The following TIA1 variants were observed in gnomAD, a reference collection of about 807,000 sequenced individuals.
The protein encoded by TIA1 is TIA1 cytotoxic granule associated RNA binding protein.
TIA1 carries 23 observed loss-of-function variants against 65.9 expected under a neutral mutation model. That is an observed-to-expected ratio of 0.35 (90% confidence interval 0.25 to 0.49). The LOEUF is 0.49. Ranked by LOEUF, TIA1 falls within the 20% of genes least tolerant of loss-of-function variation. The pLI, the probability that TIA1 is intolerant of heterozygous loss-of-function variation, is 0.98. For missense variants in TIA1, 371 were observed against 477.9 expected (o/e 0.78, Z 2.09); for synonymous variants, 147 against 149.4 (o/e 0.98, Z 0.12).
chr2:70,226,633 G>A (rs1683945664), intron 6 of TIA1, among the ~76,000 whole-genome samples: 5 of 152,134 alleles, frequency 3.3e-5, no homozygotes, highest in Admixed American at 3.3e-4. Flanking sequence ...TGTGCATAGA[G>A]ATTTAGAGCC....
At chr2:70,223,493 C>T (rs1293140056) in intron 7 of TIA1, among the ~76,000 whole-genome samples, 4 of 152,022 alleles carry the variant, frequency 2.6e-5, no homozygotes, top group African/African-American at 4.8e-5. Context: ...TTGATCATGA[C>T]TCACTGCAGC....
intron 6 of TIA1, among the ~76,000 whole-genome samples, chr2:70,225,881 T>G (rs1454955319): frequency 1.3e-5 from 2 of 152,152 alleles, no homozygotes; most frequent in East Asian, 3.8e-4. Flanking sequence ...AATACCATAT[T>G]TTTTATACTA....
chr2:70,219,758 T>A (rs943808889), intron 7 of TIA1, among the ~76,000 whole-genome samples: 5 of 149,254 alleles, frequency 3.3e-5, no homozygotes, highest in Middle Eastern at 3.4e-3. Flanking sequence ...TTTTTTTTTT[T>A]AATGGAGACA....
At chr2:70,247,963 G>C (rs985772886) in intron 1 of TIA1, among the ~76,000 whole-genome samples, 1 of 151,728 alleles carries the variant, frequency 6.6e-6, no homozygotes, top group Admixed American at 6.6e-5. Context: ...GAAAATGAAA[G>C]GAAGAATTTC....
At chr2:70,224,483 T>C (rs1291055862) in intron 7 of TIA1, 71 bp downstream of exon 7, 3 of 1,592,036 alleles carry the variant, frequency 1.9e-6, no homozygotes, top group Middle Eastern at 1.7e-4. Flanking sequence ...AAAAAAAGAT[T>C]AGTAATTAAA....
rs768840712 is a variant in TIA1 at position 70,216,965 on chromosome 2, A to G, written c.504T>C (p.Gly168=). 3 of 1,613,498 alleles carry G rather than the reference A, an allele frequency of 1.9e-6. No individual in the cohort carries two copies. The highest frequency in any genetic ancestry group is 2.5e-6 in the Non-Finnish European group (3 of 1,179,702). The change falls in exon 8 of 13, where the codon GGT becomes GGC. Residue 168 remains glycine (G), a synonymous_variant. Transcript: ENST00000433529. ...TTTGTCTTCCACCAAGCCACTGGCCACCCATCTGTTGAATGGCGTTTTCAG... is the reference window on the plus strand; with the variant it reads ...TTTGTCTTCCACCAAGCCACTGGCCGCCCATCTGTTGAATGGCGTTTTCAG... ...WDAENAIQQM[G]GQWLGGRQIR...
chr2:70,229,048 G>A lies in TIA1; in HGVS notation c.310+11C>T, dbSNP rs1684974586. 6.2e-7 allele frequency: 1 copy of A among 1,601,550 alleles called. No homozygotes were observed. The highest frequency in any genetic ancestry group is 8.5e-7 in the Non-Finnish European group (1 of 1,176,608). On this transcript the variant is annotated intron_variant, in intron 5 of 12. Transcript: ENST00000433529. ...AGAGATTTCATTTTATGTTTAAGAAGATACAATTACCTTGTGAACGCTGTG... is the reference window on the plus strand; with the variant it reads ...AGAGATTTCATTTTATGTTTAAGAAAATACAATTACCTTGTGAACGCTGTG...
intron 11 of TIA1, 65 bp downstream of exon 11, chr2:70,215,306 A>G: frequency 1.9e-6 from 3 of 1,595,648 alleles, no homozygotes; most frequent in Non-Finnish European, 2.6e-6. Context: ...GATTATCAAC[A>G]ATCTTCACCT....
intron 3 of TIA1, among the ~76,000 whole-genome samples, chr2:70,229,904 C>A (rs1685393132): frequency 6.6e-6 from 1 of 151,516 alleles, no homozygotes; most frequent in South Asian, 2.1e-4. Context: ...TGCCACTGCA[C>A]TCCAGCCTGG....
At chr2:70,242,494 CAAAAAAAAAAAAA>C (rs11380260) in intron 1 of TIA1, among the ~76,000 whole-genome samples, 4 of 33,468 alleles carry the variant, frequency 1.2e-4, no homozygotes, top group Non-Finnish European at 1.9e-4. Context: ...GACTCAGTCT[CAAAAAAAAAAAAA>C]AAAAAAAAAA....
At position 70,227,771 on chromosome 2, in the gene TIA1, T is replaced by G; in HGVS notation, c.362A>C (p.Asp121Ala). 1 of 1,595,674 alleles carries G rather than the reference T, an allele frequency of 6.3e-7. No individual in the cohort carries two copies. Among genetic ancestry groups the G allele is most frequent in the Non-Finnish European group, 8.6e-7 (1 of 1,168,732 alleles). ...AAATGGTGCAAAAGCAGCTTTTATA[T>G]CTTCAGTTGTAATTTCTGGGCTGAG... ...GDLSPEITTEDIKAAFAPFGR... is the reference protein window; with the variant it reads ...GDLSPEITTEAIKAAFAPFGR... Residue 121 changes from aspartate to alanine, a missense_variant, in exon 6 of 13, where the codon GAT becomes GCT. Coordinates refer to ENST00000433529, the MANE Select transcript of TIA1 (RefSeq NM_022173.4).
chr2:70,214,650 A>C (rs76905292), intron 11 of TIA1, among the ~76,000 whole-genome samples, 156 bp from the exon 12 acceptor site: 9 of 68,564 alleles, frequency 1.3e-4, no homozygotes, highest in South Asian at 3.7e-4. Flanking sequence ...AAAAAAAAAA[A>C]AAAAAAAACA....
intron 2 of TIA1, among the ~76,000 whole-genome samples, chr2:70,233,909 A>C (rs1687654205): frequency 2.0e-5 from 3 of 152,204 alleles, no homozygotes; most frequent in African/African-American, 7.2e-5. Context: ...GGGAGCATAA[A>C]ATTTATAAAT....
chr2:70,226,627 CAT>C (rs981602654), intron 6 of TIA1, among the ~76,000 whole-genome samples: 1 of 152,124 alleles, frequency 6.6e-6, no homozygotes, highest in African/African-American at 2.4e-5. Context: ...CAAAATTGTG[CAT>C]AGAGATTTAG....
At position 70,224,594 on chromosome 2, in the gene TIA1, T is replaced by C; in HGVS notation, c.434A>G (p.Lys145Arg). 6.2e-7 allele frequency: 1 copy of C among 1,613,718 alleles called. No homozygotes were observed. Among genetic ancestry groups the C allele is most frequent in the Non-Finnish European group, 8.5e-7 (1 of 1,179,750 alleles). Residue 145 changes from lysine (K) to arginine (R), a missense_variant, in exon 7 of 13, where the codon AAG becomes AGG. Coordinates refer to ENST00000433529, the MANE Select transcript of TIA1 (RefSeq NM_022173.4). ...ARVVKDMATG[K>R]SKGYGFVSFF... The stretch of plus-strand genomic sequence containing the variant: ...GGAGACAAAGCCATATCCCTTAGAC[T>C]TTCCTGTTGCCATGTCTTTTACCAC...
At position 70,220,728 on chromosome 2, in the gene TIA1, A is replaced by T. The variant is rs757958140; in HGVS notation, c.475-3734T>A. Among the ~76,000 whole-genome samples, 142 of 151,876 alleles carry T rather than the reference A, an allele frequency of 9.3e-4. 3 individuals are homozygous for T. Among genetic ancestry groups the T allele is most frequent in the Non-Finnish European group, 1.8e-3 (124 of 67,970 alleles). Reference sequence around the variant, plus strand: ...TAAAACTACTCACTCAAAAAAGTGGAAAAAAAACAGAGATGTATCTATGTT... The same window carrying T: ...TAAAACTACTCACTCAAAAAAGTGGTAAAAAAACAGAGATGTATCTATGTT... On this transcript the variant is annotated intron_variant, in intron 7 of 12. Transcript: ENST00000433529.
chr2:70,215,676 G>C, intron 10 of TIA1, 182 bp from the exon 11 acceptor site: 1 of 552,630 alleles, frequency 1.8e-6, no homozygotes, highest in Non-Finnish European at 3.1e-6. Flanking sequence ...CAAAGAATGT[G>C]TGTTTCACTG....
intron 3 of TIA1, among the ~76,000 whole-genome samples, chr2:70,230,397 T>G (rs1291700457): frequency 6.6e-6 from 1 of 152,146 alleles, no homozygotes; most frequent in Non-Finnish European, 1.5e-5. Flanking sequence ...ACATCTATAA[T>G]CCCAACACTT....
At chr2:70,241,726 G>A (rs1691845648) in intron 1 of TIA1, among the ~76,000 whole-genome samples, 1 of 152,040 alleles carries the variant, frequency 6.6e-6, no homozygotes. Flanking sequence ...ATTCACTTGA[G>A]GCCAGTAGTT....
Sources: gnomAD v4.1 joint callset for allele counts (sites outside exome capture counted in the v4.1 genomes callset) on GRCh38, gnomAD v4.1.1 for gene constraint, MANE v1.5 for transcripts, NCBI Gene and HGNC (gene_info 2026-07-23, HGNC 2026-07-21) for gene names.